The following TJAP1 variants were observed in gnomAD, a reference collection of about 807,000 sequenced individuals.
TJAP1 encodes the protein tight junction associated protein 1.
A neutral mutation model predicts 42.0 loss-of-function variants in TJAP1; 27 were observed. That is an observed-to-expected ratio of 0.64 (90% CI 0.47 to 0.89). The LOEUF is 0.89. Among genes scored for constraint, TJAP1 ranks in the 40% least tolerant of loss-of-function variants. The pLI is 0.00. For missense variants in TJAP1, 712 were observed against 726.9 expected, an observed-to-expected ratio of 0.98 and a Z score of 0.24; for synonymous variants, 257 against 288.4, an observed-to-expected ratio of 0.89 and a Z score of 1.10.
intron 6 of TJAP1, among the ~76,000 whole-genome samples, chr6:43,502,076 A>ACACACACTCTCTCTCTCTCT (rs767085594): frequency 5.8e-5 from 4 of 68,956 alleles, no homozygotes; most frequent in African/African-American, 3.0e-4. Flanking sequence ...ACACACACAC[A>ACACACACTCTCTCTCTCTCT]CTCTCTCTCT....
At chr6:43,480,590 C>T (rs1286147653) in intron 2 of TJAP1, among the ~76,000 whole-genome samples, 1 of 152,174 alleles carries the variant, frequency 6.6e-6, no homozygotes, top group Non-Finnish European at 1.5e-5. Flanking sequence ...GCTCTCCTCA[C>T]TGCAACCGCC....
rs1201624710 is a variant in TJAP1 at position 43,503,712 on chromosome 6, T to C, written c.579+6T>C. ...GAAACCACAAGTTTGCCGATGTGAG[T>C]AGAACTCACCCCCTCCCTGCCCACA... is the stretch of plus-strand genomic sequence containing the variant. On this transcript the variant is annotated splice_donor_region_variant and intron_variant, in intron 10 of 10. Coordinates refer to ENST00000372449, the Ensembl canonical transcript of TJAP1. 1.7e-5 allele frequency: 27 copies of C among 1,613,366 alleles called. No individual in the cohort carries two copies. The highest frequency in any genetic ancestry group is 2.2e-5 in the Non-Finnish European group (26 of 1,179,546).
chr6:43,482,592 C>T (rs550262382), intron 2 of TJAP1, among the ~76,000 whole-genome samples: 10 of 152,226 alleles, frequency 6.6e-5, no homozygotes, highest in East Asian at 1.9e-4. Context: ...TGCTTCTGTC[C>T]GATACTTATG....
At chr6:43,497,851 T>G (rs1220705596) in intron 2 of TJAP1, 30 bp from the exon 3 acceptor site, 1 of 152,340 alleles carries the variant, frequency 6.6e-6, no homozygotes, top group East Asian at 1.9e-4. Context: ...TGACACCTGG[T>G]TTCCACTTTC....
chr6:43,505,281 G>C lies in TJAP1; in HGVS notation c.1100G>C (p.Ser367Thr). 6.2e-7 allele frequency: 1 copy of C among 1,613,164 alleles called. No individual in the cohort carries two copies. The highest frequency in any genetic ancestry group is 8.5e-7 in the Non-Finnish European group (1 of 1,179,880). ...TCCCTGAGCCTGGTAGAGGAGGGGA[G>C]TGAGCGGGCCCGCCCCAGCCCAGTG... is the stretch of plus-strand genomic sequence containing the variant. Residue 367 changes from serine (S) to threonine (T), a missense_variant, in exon 11 of 11, where the codon AGT becomes ACT. Ser to Thr is a moderately conservative substitution (Grantham distance 58). Transcript: ENST00000372449. This position sits in a 1 kb window ranked among gnomAD's most constrained non-coding sequence, Gnocchi z 5.5.
intron 2 of TJAP1, among the ~76,000 whole-genome samples, chr6:43,484,876 C>T (rs1222589334): frequency 1.3e-5 from 2 of 152,220 alleles, no homozygotes; most frequent in Non-Finnish European, 1.5e-5. Context: ...CAGGTGCCTG[C>T]CACTGTGCCT....
chr6:43,502,189 A>G, intron 6 of TJAP1, 94 bp from the exon 7 acceptor site: 1 of 1,284,304 alleles, frequency 7.8e-7, no homozygotes, highest in Non-Finnish European at 1.1e-6. Flanking sequence ...TTGAGGGAGA[A>G]TGACATGTTC....
intron 2 of TJAP1, among the ~76,000 whole-genome samples, chr6:43,493,922 C>T (rs1230841028): frequency 6.6e-6 from 1 of 152,148 alleles, no homozygotes. Context: ...TGATGCTTGG[C>T]AAATTTTTTT....
chr6:43,483,119 C>G (rs2038975068), intron 2 of TJAP1, among the ~76,000 whole-genome samples: 1 of 149,460 alleles, frequency 6.7e-6, no homozygotes, highest in Admixed American at 6.6e-5. Context: ...AAGACTCCAT[C>G]TCAATAAAAA....
chr6:43,483,912 A>G lies in TJAP1; in HGVS notation c.-122+5680A>G, dbSNP rs534996820. 1.3e-4 allele frequency among the ~76,000 whole-genome samples: 20 copies of G among 152,148 alleles called. No homozygotes were observed. In the South Asian group the frequency reaches 3.9e-3, roughly 30 times the overall value. Reference sequence around the variant, plus strand: ...ACTTTGTCTCTACAAAAGACATTCAAAACTTAGCTGGGTATGGTGGCTTGT... The same window carrying G: ...ACTTTGTCTCTACAAAAGACATTCAGAACTTAGCTGGGTATGGTGGCTTGT... On this transcript the variant is annotated intron_variant, in intron 2 of 10. Transcript: ENST00000372449.
Position 43,493,295 on chromosome 6 carries a change from G to T in TJAP1, c.-121-4586G>T, listed in dbSNP as rs1168595243. 2.0e-5 allele frequency among the ~76,000 whole-genome samples: 3 copies of T among 152,290 alleles called. No homozygotes were observed. The South Asian group carries it at 6.2e-4, about 32-fold the overall frequency. ...TTCATTGACAGCTGAGAGCAGAAAG[G>T]CTTCGTAGTAGGTTCAGAAATTATC... On this transcript the variant is annotated intron_variant, in intron 2 of 10. Transcript: ENST00000372449.
rs868183074 is a variant in TJAP1 at position 43,492,837 on chromosome 6, G to A, written c.-121-5044G>A. Among the ~76,000 whole-genome samples, 46 of 152,174 alleles carry A rather than the reference G, an allele frequency of 3.0e-4. No homozygotes were observed. The highest frequency in any genetic ancestry group is 1.1e-3 in the African/African-American group (46 of 41,440). ...ATTTCAGAGGCTTGAGAAGCGGCCA[G>A]ACTTGTGTGGCGGGAGTGTAGCTGA... On this transcript the variant is annotated intron_variant, in intron 2 of 10. Transcript: ENST00000372449. This position sits in a 1 kb window ranked among gnomAD's most constrained non-coding sequence, Gnocchi z 4.2.
intron 2 of TJAP1, among the ~76,000 whole-genome samples, chr6:43,488,414 C>G (rs1787048454): frequency 1.3e-5 from 2 of 152,162 alleles, no homozygotes; most frequent in Non-Finnish European, 2.9e-5. Context: ...CTGGCTGTCT[C>G]TGAGGGACAT....
intron 2 of TJAP1, among the ~76,000 whole-genome samples, chr6:43,494,708 C>T (rs977555823): frequency 1.5e-5 from 2 of 136,612 alleles, no homozygotes; most frequent in East Asian, 4.2e-4. Context: ...AGTGTAGTGG[C>T]GCGATCTGGA....
intron 10 of TJAP1, 163 bp from the exon 11 acceptor site, chr6:43,504,598 C>T: frequency 1.1e-6 from 1 of 905,552 alleles, no homozygotes; most frequent in Non-Finnish European, 1.7e-6. Context: ...GCCTATGTGT[C>T]TGTGAAGTGA....
rs1792285330 is a variant in TJAP1 at position 43,505,915 on chromosome 6, G to A, written c.*60G>A. The A allele has an allele frequency of 7.1e-7, 1 of 1,417,594 alleles. No individual in the cohort carries two copies. Among genetic ancestry groups the A allele is most frequent in the South Asian group, 1.6e-5 (1 of 62,886 alleles). 87.8% of individuals were successfully genotyped at this position (1,417,594 alleles called of 1,614,324 possible). On this transcript the variant is annotated 3_prime_UTR_variant, in exon 11 of 11. Coordinates refer to ENST00000372449, the Ensembl canonical transcript of TJAP1. The surrounding 1 kb of genome is among the most constrained non-coding windows in gnomAD (Gnocchi z 5.5). ...GGACTGCAAGGAGTCCCCACACCTTGGCAGCTCAGGGTCCCCAGTCCAAGC... is the reference window on the plus strand; with the variant it reads ...GGACTGCAAGGAGTCCCCACACCTTAGCAGCTCAGGGTCCCCAGTCCAAGC...
chr6:43,504,579 C>T (rs1210460370), intron 10 of TJAP1, 182 bp from the exon 11 acceptor site: 2 of 780,066 alleles, frequency 2.6e-6, no homozygotes, highest in African/African-American at 3.5e-5. Context: ...GTTGTCTTCC[C>T]CTCTCCAGGC....
chr6:43,503,788 C>G (rs771378911), intron 10 of TJAP1, 82 bp downstream of exon 10: 1 of 1,234,996 alleles, frequency 8.1e-7, no homozygotes, highest in Admixed American at 1.8e-5. Context: ...TTCTGCACCT[C>G]TCTCTGTCCT....
intron 2 of TJAP1, among the ~76,000 whole-genome samples, chr6:43,484,322 G>A (rs1039653516): frequency 6.6e-6 from 1 of 151,950 alleles, no homozygotes; most frequent in Non-Finnish European, 1.5e-5. Flanking sequence ...AGCCGGGCAT[G>A]GTGGCAGGCA....
Sources: allele counts gnomAD v4.1 joint callset (sites outside exome capture counted in the v4.1 genomes callset), GRCh38; gene constraint gnomAD v4.1.1; non-coding constraint Gnocchi (gnomAD v3.1); transcripts MANE v1.5; gene names NCBI Gene and HGNC (gene_info 2026-07-23, HGNC 2026-07-21).